Variants in CCDC88C observed in about 807,000 individuals in gnomAD.
CCDC88C encodes the protein coiled-coil and HOOK domain protein 88C, also known as protein Daple.
Under a neutral mutation model 198.8 loss-of-function variants are expected in CCDC88C, and 131 were observed. The ratio of observed to expected loss-of-function variants is 0.66; its 90% CI spans 0.57 to 0.76. The LOEUF (loss-of-function observed/expected upper bound fraction) is 0.76, where lower values mean the gene tolerates loss of function less well. Among genes scored for constraint, CCDC88C ranks in the 30% least tolerant of loss-of-function variants. CCDC88C has a pLI of 0.00. For synonymous variants in CCDC88C, 1,166 were observed against 1,114.7 expected (o/e 1.05, Z -0.92); for missense variants, 2,553 against 2,631.6 (o/e 0.97, Z 0.65).
At chr14:91,308,596 C>A in intron 16 of CCDC88C, 104 bp from the exon 17 acceptor site, 1 of 1,215,022 alleles carries the variant, frequency 8.2e-7, no homozygotes, top group Admixed American at 1.8e-5. Context: ...GGCTGGGTTA[C>A]GGAGCTGCTG....
chr14:91,272,737 A>G lies in CCDC88C; in HGVS notation c.5975T>C (p.Leu1992Pro), dbSNP rs941920. 0.88 allele frequency: 1,419,249 copies of G among 1,609,524 alleles called. 629,801 individuals carry two copies. The highest frequency in any genetic ancestry group is 0.98 in the African/African-American group (73,596 of 75,058). The stretch of plus-strand genomic sequence containing the variant: ...ACTGCAGTCCTCCAGGGCCCGGCCG[A>G]GGTGGGGAGCCAAATCGGGAGACCG... ...PGRSPDLAPH[L>P]GRALEDCSRG... Residue 1992 changes from leucine (L) to proline (P), a missense_variant, in exon 30 of 30, where the codon CTC becomes CCC. Physicochemically the swap from Leu to Pro is moderately conservative, Grantham distance 98. Transcript: ENST00000389857.
At chr14:91,374,208 T>C (rs1327298918) in intron 3 of CCDC88C, among the ~76,000 whole-genome samples, 1 of 152,218 alleles carries the variant, frequency 6.6e-6, no homozygotes, top group Non-Finnish European at 1.5e-5. Flanking sequence ...TAAAGAACAC[T>C]TTATTTCGAA....
intron 18 of CCDC88C, among the ~76,000 whole-genome samples, chr14:91,306,629 G>C (rs1330241189): frequency 6.6e-6 from 1 of 152,234 alleles, no homozygotes; most frequent in Non-Finnish European, 1.5e-5. Flanking sequence ...TTTTGGGTTT[G>C]CCAGCCATGG....
At chr14:91,414,490 G>T (rs1596178864) in intron 2 of CCDC88C, among the ~76,000 whole-genome samples, 1 of 152,150 alleles carries the variant, frequency 6.6e-6, no homozygotes. Flanking sequence ...TTTGGAAAAT[G>T]AAACATACTC....
At chr14:91,372,590 A>G (rs17127301) in intron 3 of CCDC88C, among the ~76,000 whole-genome samples, 4,030 of 148,596 alleles carry the variant, frequency 0.027, 238 homozygotes, top group African/African-American at 0.099. Context: ...GAATAAAGGA[A>G]AAGGAAGACA....
At chr14:91,343,183 C>A (rs553543132) in intron 5 of CCDC88C, among the ~76,000 whole-genome samples, 1 of 152,242 alleles carries the variant, frequency 6.6e-6, no homozygotes, top group African/African-American at 2.4e-5. Flanking sequence ...CTTGAACTCC[C>A]GACCTCAAGC....
intron 3 of CCDC88C, chr14:91,379,726 C>T (rs1313092805): frequency 3.0e-6 from 2 of 660,824 alleles, no homozygotes; most frequent in Non-Finnish European, 5.5e-6. Context: ...ACAGTGATGG[C>T]CTTCCATGGC....
intron 27 of CCDC88C, among the ~76,000 whole-genome samples, chr14:91,280,505 A>T (rs965899964): frequency 6.6e-6 from 1 of 152,192 alleles, no homozygotes; most frequent in African/African-American, 2.4e-5. Context: ...AAAATAAGTA[A>T]ATTTCAGTAT....
intron 3 of CCDC88C, among the ~76,000 whole-genome samples, chr14:91,366,167 C>CACACACAA (rs1894531393): frequency 7.6e-6 from 1 of 131,806 alleles, no homozygotes; most frequent in Non-Finnish European, 1.5e-5. Context: ...CACACACACA[C>CACACACAA]ACACACACAC....
chr14:91,348,431 T>C (rs1212104888), intron 4 of CCDC88C, among the ~76,000 whole-genome samples: 1 of 151,886 alleles, frequency 6.6e-6, no homozygotes, highest in Non-Finnish European at 1.5e-5. Flanking sequence ...TGAGCTTTGA[T>C]TGTGCCACTG....
At position 91,381,223 on chromosome 14, in the gene CCDC88C, A is replaced by G. The variant is rs1010218206; in HGVS notation, c.271-21512T>C. Among the ~76,000 whole-genome samples the G allele has an allele frequency of 2.0e-5, 3 of 152,052 alleles. No individual in the cohort carries two copies. Among genetic ancestry groups the G allele is most frequent in the African/African-American group, 7.2e-5 (3 of 41,382 alleles). On this transcript the variant is annotated intron_variant, in intron 3 of 29. Coordinates refer to ENST00000389857, the MANE Select transcript of CCDC88C (RefSeq NM_001080414.4). This position sits in a 1 kb window ranked among gnomAD's most constrained non-coding sequence, Gnocchi z 4.2. ...GTACGGTCTGAGTCTCCTGTCCCCC[A>G]GCTTGTCCTCTGAAGGAGACTGTGA...
At chr14:91,414,009 A>G (rs1886922300) in intron 2 of CCDC88C, among the ~76,000 whole-genome samples, 1 of 152,210 alleles carries the variant, frequency 6.6e-6, no homozygotes, top group Admixed American at 6.5e-5. Flanking sequence ...AAGTGAAAAC[A>G]GAGGCTTAAG....
intron 15 of CCDC88C, among the ~76,000 whole-genome samples, chr14:91,310,698 C>T (rs530572999): frequency 2.0e-5 from 3 of 152,220 alleles, no homozygotes; most frequent in African/African-American, 7.2e-5. Flanking sequence ...GCGCGAGCCA[C>T]TGCACCCGGC....
At position 91,314,164 on chromosome 14, in the gene CCDC88C, C is replaced by A; in HGVS notation, c.1666-14G>T. 1 of 1,589,036 alleles carries A rather than the reference C, an allele frequency of 6.3e-7. No individual in the cohort carries two copies. The highest frequency in any genetic ancestry group is 1.1e-5 in the South Asian group (1 of 89,352). On this transcript the variant is annotated splice_polypyrimidine_tract_variant and intron_variant, in intron 14 of 29. Coordinates refer to ENST00000389857, the MANE Select transcript of CCDC88C (RefSeq NM_001080414.4). ...AAGGTCCTTGATCTACGGGAAAACA[C>A]AACAGGCACAACCCAGGCTGCTGCA...
At chr14:91,289,438 A>G in intron 24 of CCDC88C, 95 bp from the exon 25 acceptor site, 1 of 1,093,160 alleles carries the variant, frequency 9.1e-7, no homozygotes, top group Non-Finnish European at 1.4e-6. Flanking sequence ...GTTCTTCCCC[A>G]GTCTGGGAAG....
At chr14:91,357,496 C>T (rs902722247) in intron 4 of CCDC88C, among the ~76,000 whole-genome samples, 1 of 152,240 alleles carries the variant, frequency 6.6e-6, no homozygotes, top group Non-Finnish European at 1.5e-5. Flanking sequence ...ACGTTCAGTG[C>T]CAAGCACAGG....
At position 91,343,641 on chromosome 14, in the gene CCDC88C, T is replaced by C. The variant is rs1322357183; in HGVS notation, c.357A>G (p.Glu119=). 1 of 1,613,748 alleles carries C rather than the reference T, an allele frequency of 6.2e-7. No individual in the cohort carries two copies. The highest frequency in any genetic ancestry group is 1.1e-5 in the South Asian group (1 of 91,086). The change falls in exon 5 of 30, where the codon GAA becomes GAG. Residue 119 remains glutamate (E), a synonymous_variant. Transcript: ENST00000389857. The stretch of plus-strand genomic sequence containing the variant: ...GCACCAGCAGCAGCACCTTCTTGAT[T>C]TCCTCCATGCTCTTCCCTAGATCAA... ...RDPLSGKSME[E]IKKVLLLVLG... is the part of the protein sequence containing the mutation.
At chr14:91,297,065 T>C (rs1891037702) in intron 22 of CCDC88C, among the ~76,000 whole-genome samples, 1 of 152,128 alleles carries the variant, frequency 6.6e-6, no homozygotes, top group Admixed American at 6.5e-5. Flanking sequence ...CCACTGTGCC[T>C]CTCCCGACCC....
At chr14:91,327,837 C>T (rs193097108) in intron 10 of CCDC88C, among the ~76,000 whole-genome samples, 13 of 152,326 alleles carry the variant, frequency 8.5e-5, no homozygotes, top group Non-Finnish European at 1.5e-4. Flanking sequence ...GAGCAACCAC[C>T]GCACAGGCTG....
Sources: allele counts gnomAD v4.1 joint callset (sites outside exome capture counted in the v4.1 genomes callset), GRCh38; gene constraint gnomAD v4.1.1; non-coding constraint Gnocchi (gnomAD v3.1); transcripts MANE v1.5; gene names NCBI Gene and HGNC (gene_info 2026-07-23, HGNC 2026-07-21).